Variants in CENPP observed in about 807,000 individuals in gnomAD.
CENPP encodes centromere protein P.
Under a neutral mutation model 35.6 loss-of-function variants are expected in CENPP, and 24 were observed. That is an observed-to-expected ratio of 0.67 (90% CI 0.49 to 0.95). CENPP has a LOEUF of 0.95. CENPP is among the 40% of genes least tolerant of loss of function. CENPP has a pLI of 0.00. For synonymous variants in CENPP, 120 were observed against 125.5 expected (o/e 0.96, Z 0.29); for missense variants, 332 against 345.3 (o/e 0.96, Z 0.31).
chr9:92,535,563 A>G (rs116847205), intron 5 of CENPP, among the ~76,000 whole-genome samples: 5,786 of 152,246 alleles, frequency 0.038, 150 homozygotes, highest in Middle Eastern at 0.076. Context: ...AAAATTCTAC[A>G]TGAAGTCATG....
intron 5 of CENPP, among the ~76,000 whole-genome samples, chr9:92,410,071 G>A (rs1448211792): frequency 6.6e-6 from 1 of 151,892 alleles, no homozygotes; most frequent in African/African-American, 2.4e-5. Context: ...CAAGTAGCTG[G>A]GACTTCAGGT....
intron 5 of CENPP, among the ~76,000 whole-genome samples, chr9:92,568,246 G>A (rs1356411449): frequency 1.3e-5 from 2 of 151,168 alleles, no homozygotes. Flanking sequence ...TCCCCCCACC[G>A]CACAACAGGC....
Position 92,617,978 on chromosome 9 carries a change from TTAGTC to T in CENPP, c.*4833_*4837del, listed in dbSNP as rs1851496019. 1 of 334,242 alleles carries T rather than the reference TTAGTC, an allele frequency of 3.0e-6. No individual in the cohort carries two copies. Among genetic ancestry groups the T allele is most frequent in the African/African-American group, 2.1e-5 (1 of 46,598 alleles). The allele number at this position is 334,242 out of a possible 1,614,324, so 20.7% of individuals were successfully genotyped here. Reference sequence around the variant, plus strand: ...GGTCAATCTATCTGTGAGCTGCAAATTAGTCTAGGGATCTAAATTTAGTCTCAGGT... The same window carrying T: ...GGTCAATCTATCTGTGAGCTGCAAATTAGGGATCTAAATTTAGTCTCAGGT... On this transcript the variant is annotated 3_prime_UTR_variant, in exon 8 of 8. Coordinates refer to ENST00000375587, the MANE Select transcript of CENPP (RefSeq NM_001012267.3).
At chr9:92,467,749 T>A (rs553473156) in intron 5 of CENPP, among the ~76,000 whole-genome samples, 30 of 152,344 alleles carry the variant, frequency 2.0e-4, no homozygotes, top group African/African-American at 7.2e-4. Flanking sequence ...CTTGGCCCTT[T>A]GTGCTTTCCT....
At chr9:92,355,347 G>A (rs181760767) in intron 4 of CENPP, among the ~76,000 whole-genome samples, 8 of 151,688 alleles carry the variant, frequency 5.3e-5, no homozygotes, top group African/African-American at 7.2e-5. Flanking sequence ...AGAATTTAGC[G>A]ATATCTCTCC....
At chr9:92,346,080 A>G (rs1841286750) in intron 4 of CENPP, among the ~76,000 whole-genome samples, 1 of 152,274 alleles carries the variant, frequency 6.6e-6, no homozygotes, top group Non-Finnish European at 1.5e-5. Flanking sequence ...TTAGATATTG[A>G]TCAAATAATG....
intron 5 of CENPP, among the ~76,000 whole-genome samples, chr9:92,584,800 C>T (rs973543272): frequency 1.3e-5 from 2 of 152,132 alleles, no homozygotes; most frequent in African/African-American, 4.8e-5. Flanking sequence ...AAATTTATTT[C>T]TCAATTATTC....
intron 5 of CENPP, chr9:92,464,765 G>A: frequency 1.4e-6 from 1 of 718,720 alleles, no homozygotes; most frequent in Non-Finnish European, 2.5e-6. Flanking sequence ...ACTACATATG[G>A]CATTTTATGT....
At chr9:92,487,041 C>T (rs1175168374) in intron 5 of CENPP, among the ~76,000 whole-genome samples, 1 of 152,196 alleles carries the variant, frequency 6.6e-6, no homozygotes, top group African/African-American at 2.4e-5. Context: ...CTCGGCCTCC[C>T]AAAGCGCTAG....
chr9:92,413,263 A>G (rs1445783135), intron 5 of CENPP, among the ~76,000 whole-genome samples: 5 of 152,120 alleles, frequency 3.3e-5, no homozygotes, highest in African/African-American at 4.8e-5. Flanking sequence ...CTGGGATTAC[A>G]GGTGTGAGCT....
At position 92,454,504 on chromosome 9, in the gene CENPP, T is replaced by C. The variant is rs1320770562; in HGVS notation, c.564+74645T>C. 2.6e-5 allele frequency among the ~76,000 whole-genome samples: 4 copies of C among 152,322 alleles called. No homozygotes were observed. In the South Asian group the frequency reaches 8.3e-4, roughly 32 times the overall value. On this transcript the variant is annotated intron_variant, in intron 5 of 7. Transcript: ENST00000375587. ...TTTACATATGTTCTTATAAGTGCCA[T>C]GATATCACAATTTTTTGTTACATTG...
In CENPP at chr9:92,619,474, T is replaced by C; in HGVS notation, c.*6325T>C. ...TAGACCCAGGCTGCATGCCTTGCAG[T>C]GGGGGCCTCACCTGGCATCCTGCAG... is the stretch of plus-strand genomic sequence containing the variant. On this transcript the variant is annotated 3_prime_UTR_variant, in exon 8 of 8. Coordinates refer to ENST00000375587, the MANE Select transcript of CENPP (RefSeq NM_001012267.3). 6.3e-7 allele frequency: 1 copy of C among 1,576,034 alleles called. No homozygotes were observed. The highest frequency in any genetic ancestry group is 8.6e-7 in the Non-Finnish European group (1 of 1,159,922).
chr9:92,569,807 G>A (rs1046814668), intron 5 of CENPP, among the ~76,000 whole-genome samples: 5 of 152,142 alleles, frequency 3.3e-5, no homozygotes, highest in African/African-American at 1.2e-4. Flanking sequence ...TCCCTTGTAA[G>A]TTGGATTCCT....
intron 5 of CENPP, among the ~76,000 whole-genome samples, chr9:92,394,508 C>G (rs969350240): frequency 5.9e-5 from 9 of 151,556 alleles, no homozygotes; most frequent in Non-Finnish European, 1.3e-4. Context: ...GCCTCGGTCT[C>G]CCAAAGTGCC....
intron 5 of CENPP, chr9:92,457,566 G>A: frequency 2.9e-6 from 3 of 1,031,868 alleles, no homozygotes; most frequent in Non-Finnish European, 4.4e-6. Context: ...CCATTTGTTT[G>A]TGGGTTTATT....
chr9:92,382,892 CTTT>C (rs1213731251), intron 5 of CENPP, among the ~76,000 whole-genome samples: 2,738 of 69,808 alleles, frequency 0.039, 47 homozygotes, highest in South Asian at 0.098. Flanking sequence ...CACTGTTTTC[CTTT>C]TTTTTTTTTT....
intron 5 of CENPP, among the ~76,000 whole-genome samples, chr9:92,402,147 A>G (rs780391007): frequency 1.8e-4 from 27 of 152,242 alleles, no homozygotes; most frequent in Non-Finnish European, 3.1e-4. Flanking sequence ...AATAGATTCA[A>G]ATCATCCAAG....
At chr9:92,478,739 C>T (rs888638882) in intron 5 of CENPP, among the ~76,000 whole-genome samples, 2 of 152,196 alleles carry the variant, frequency 1.3e-5, no homozygotes, top group African/African-American at 2.4e-5. Flanking sequence ...TGAGCCACTG[C>T]ACCCAGCCTG....
intron 5 of CENPP, among the ~76,000 whole-genome samples, chr9:92,465,439 G>A (rs1234681392): frequency 6.6e-6 from 1 of 152,156 alleles, no homozygotes; most frequent in East Asian, 1.9e-4. Flanking sequence ...AAGTCAATTA[G>A]AAATTGTTGT....
Sources: gnomAD v4.1 joint callset for allele counts (sites outside exome capture counted in the v4.1 genomes callset) on GRCh38, gnomAD v4.1.1 for gene constraint, MANE v1.5 for transcripts, NCBI Gene and HGNC (gene_info 2026-07-23, HGNC 2026-07-21) for gene names.